Variants in CEP128 observed in about 807,000 individuals in gnomAD.
The protein encoded by CEP128 is centrosomal protein 128, also known as centrosomal protein 128kDa.
Under a neutral mutation model 156.7 loss-of-function variants are expected in CEP128, and 132 were observed. The ratio of observed to expected loss-of-function variants is 0.84; its 90% CI spans 0.73 to 0.97. The LOEUF (loss-of-function observed/expected upper bound fraction) is 0.97, where lower values mean the gene tolerates loss of function less well. CEP128 is among the 50% of genes least tolerant of loss of function. The pLI is 0.00. For synonymous variants in CEP128, 469 were observed against 448.9 expected, an observed-to-expected ratio of 1.04 and a Z score of -0.57; for missense variants, 1,252 against 1,281.9, an observed-to-expected ratio of 0.98 and a Z score of 0.36.
At chr14:80,676,917 T>A (rs1483381286) in intron 19 of CEP128, among the ~76,000 whole-genome samples, 1 of 152,168 alleles carries the variant, frequency 6.6e-6, no homozygotes, top group Non-Finnish European at 1.5e-5. Flanking sequence ...ATTAGATATT[T>A]ACATTTATGA....
chr14:80,487,359 C>T (rs1190913900), downstream of CEP128, among the ~76,000 whole-genome samples: 2 of 152,162 alleles, frequency 1.3e-5, no homozygotes, highest in African/African-American at 4.8e-5. Context: ...AATACTGGAG[C>T]ACCCAGATTC....
chr14:80,811,024 T>C (rs1191182971), intron 13 of CEP128, among the ~76,000 whole-genome samples: 1 of 152,068 alleles, frequency 6.6e-6, no homozygotes, highest in Non-Finnish European at 1.5e-5. Flanking sequence ...CAATCATAAG[T>C]GAGAATGTGC....
intron 19 of CEP128, among the ~76,000 whole-genome samples, chr14:80,667,811 T>C (rs942007546): frequency 2.0e-5 from 3 of 146,676 alleles, no homozygotes; most frequent in African/African-American, 7.7e-5. Flanking sequence ...TGAGCCTAGA[T>C]TGCGCCACTG....
At chr14:80,946,321 AT>A (rs1886342550), upstream of CEP128, among the ~76,000 whole-genome samples, 5 of 66,224 alleles carry the variant, frequency 7.6e-5, no homozygotes, top group East Asian at 1.3e-3. Flanking sequence ...ATGCCTCATG[AT>A]GCATCATGAT....
At chr14:80,948,696 T>A (rs889568918) in intron 2 of CEP128, among the ~76,000 whole-genome samples, 5 of 152,232 alleles carry the variant, frequency 3.3e-5, no homozygotes, top group Admixed American at 6.5e-5. Flanking sequence ...ATTCATTTGT[T>A]ACATTTAAAA....
At chr14:80,722,898 C>T (rs1268072576) in intron 19 of CEP128, among the ~76,000 whole-genome samples, 2 of 148,398 alleles carry the variant, frequency 1.3e-5, no homozygotes, top group Non-Finnish European at 3.0e-5. Flanking sequence ...GCGATCTCGG[C>T]TCACTGCAAG....
intron 19 of CEP128, among the ~76,000 whole-genome samples, chr14:80,712,051 T>A (rs891019814): frequency 2.0e-5 from 3 of 152,132 alleles, no homozygotes; most frequent in African/African-American, 7.2e-5. Flanking sequence ...AATTAGTACT[T>A]AATATCATAA....
At chr14:80,903,538 G>A (rs1883700781) in intron 6 of CEP128, among the ~76,000 whole-genome samples, 1 of 151,032 alleles carries the variant, frequency 6.6e-6, no homozygotes, top group African/African-American at 2.4e-5. Context: ...CATAGCAAAA[G>A]AAACAATTAA....
chr14:80,737,175 G>A (rs141122246), intron 19 of CEP128, among the ~76,000 whole-genome samples: 1 of 152,196 alleles, frequency 6.6e-6, no homozygotes, highest in Non-Finnish European at 1.5e-5. Flanking sequence ...GGAGGCCGAG[G>A]CGGGTGGATC....
At chr14:80,782,204 T>C (rs1901160024) in intron 15 of CEP128, among the ~76,000 whole-genome samples, 1 of 152,194 alleles carries the variant, frequency 6.6e-6, no homozygotes, top group African/African-American at 2.4e-5. Context: ...GCCTTCACAA[T>C]ATCTTAAATA....
chr14:80,854,043 A>G (rs1349328738), intron 9 of CEP128, among the ~76,000 whole-genome samples: 1 of 152,166 alleles, frequency 6.6e-6, no homozygotes, highest in African/African-American at 2.4e-5. Context: ...CAAAAGTCAT[A>G]CATAGGCACT....
chr14:80,916,599 T>G, intron 2 of CEP128, 37 bp from the exon 3 acceptor site: 5 of 1,511,742 alleles, frequency 3.3e-6, no homozygotes, highest in Non-Finnish European at 4.5e-6. Flanking sequence ...AATGAAACAG[T>G]AAAAAGCATG....
chr14:80,922,308 A>T (rs1884910982), intron 2 of CEP128, among the ~76,000 whole-genome samples: 1 of 152,216 alleles, frequency 6.6e-6, no homozygotes. Context: ...TGATGAGCTG[A>T]AGAAACGGGA....
At chr14:80,599,043 A>T (rs1892464110) in intron 19 of CEP128, among the ~76,000 whole-genome samples, 1 of 152,190 alleles carries the variant, frequency 6.6e-6, no homozygotes. Context: ...AGGTAAAATG[A>T]TCTTTATGTA....
intron 22 of CEP128, among the ~76,000 whole-genome samples, chr14:80,528,002 T>G (rs1029626316): frequency 1.3e-5 from 2 of 152,064 alleles, no homozygotes; most frequent in Admixed American, 1.3e-4. Flanking sequence ...CAACTGATTT[T>G]GGTATGTAAA....
chr14:80,907,074 T>G (rs1883924796), intron 4 of CEP128, among the ~76,000 whole-genome samples: 1 of 152,178 alleles, frequency 6.6e-6, no homozygotes, highest in Non-Finnish European at 1.5e-5. Flanking sequence ...GTTGCTTTAC[T>G]TGGTGAAATG....
At chr14:80,931,048 T>C (rs977596476) in intron 2 of CEP128, among the ~76,000 whole-genome samples, 2 of 152,190 alleles carry the variant, frequency 1.3e-5, no homozygotes, top group African/African-American at 4.8e-5. Flanking sequence ...GCAATCCAGG[T>C]TGATGAGCCT....
At chr14:80,903,683 G>C (rs1483485417) in intron 6 of CEP128, among the ~76,000 whole-genome samples, 1 of 151,636 alleles carries the variant, frequency 6.6e-6, no homozygotes, top group Non-Finnish European at 1.5e-5. Context: ...AATGGGCAGA[G>C]GACCTGAACA....
chr14:80,854,598 G>A (rs758726651), intron 9 of CEP128, among the ~76,000 whole-genome samples: 13 of 152,032 alleles, frequency 8.6e-5, no homozygotes, highest in East Asian at 1.9e-4. Context: ...AGTTGGAAGA[G>A]ATGTAGGAAA....
Sources: gnomAD v4.1 joint callset for allele counts (sites outside exome capture counted in the v4.1 genomes callset) on GRCh38, gnomAD v4.1.1 for gene constraint, MANE v1.5 for transcripts, NCBI Gene and HGNC (gene_info 2026-07-23, HGNC 2026-07-21) for gene names.